ZNF438: variants seen among roughly 807,000 people sequenced by gnomAD.
ZNF438 encodes zinc finger protein 438.
In ZNF438, 25 loss-of-function variants were observed where a neutral mutation model predicts 38.0. The ratio of observed to expected loss-of-function variants is 0.66; its 90% CI spans 0.48 to 0.92. The LOEUF is 0.92. Ranked by LOEUF, ZNF438 falls within the 40% of genes least tolerant of loss-of-function variation. The pLI is 0.00. For synonymous variants in ZNF438, 372 were observed against 364.1 expected (o/e 1.02, Z -0.25); for missense variants, 1,007 against 999.6 (o/e 1.01, Z -0.10).
chr10:30,942,678 A>T (rs182017718), intron 1 of ZNF438, among the ~76,000 whole-genome samples: 115 of 152,342 alleles, frequency 7.5e-4, no homozygotes, highest in African/African-American at 2.7e-3. Context: ...CAATCCGATG[A>T]CTTGCGTCAT....
At chr10:30,854,809 A>G (rs73254337) in intron 4 of ZNF438, among the ~76,000 whole-genome samples, 8,278 of 152,208 alleles carry the variant, frequency 0.054, 716 homozygotes, top group African/African-American at 0.19. Flanking sequence ...GCGAAGACAG[A>G]GGAACAATAG....
intron 3 of ZNF438, among the ~76,000 whole-genome samples, chr10:30,901,568 A>C (rs2041986598): frequency 6.6e-6 from 1 of 152,154 alleles, no homozygotes; most frequent in South Asian, 2.1e-4. Context: ...AATTCTAAGG[A>C]AAAATAGGAC....
chr10:30,938,669 G>C (rs960506250), intron 2 of ZNF438, among the ~76,000 whole-genome samples: 1 of 152,038 alleles, frequency 6.6e-6, no homozygotes, highest in Non-Finnish European at 1.5e-5. Flanking sequence ...AATCCAAAAG[G>C]CATTTTTTAT....
intron 1 of ZNF438, among the ~76,000 whole-genome samples, chr10:30,964,199 G>A (rs1424712324): frequency 6.6e-6 from 1 of 152,218 alleles, no homozygotes; most frequent in East Asian, 1.9e-4. Context: ...CACAGGAAGT[G>A]TGATAACTGT....
rs535406049 is a variant in ZNF438, at chr10:31,031,737, G to A, written c.-192+96C>T. On this transcript the variant is annotated intron_variant, in intron 1 of 5. Transcript: ENST00000413025. ...TCGCCACAATCGGCGACTCCCCAAG[G>A]AACTGACGCCCCCAGAGCCACCACC... 6 of 154,000 alleles carry A rather than the reference G, an allele frequency of 3.9e-5. No homozygotes were observed. The East Asian group carries it at 9.6e-4, about 25-fold the overall frequency. 9.5% of individuals were successfully genotyped at this position (154,000 alleles called of 1,614,324 possible). A position where few individuals can be genotyped will look rare whatever the true frequency, so the allele number is the denominator to read the frequency against.
At chr10:31,005,151 T>G (rs2055002293) in intron 1 of ZNF438, among the ~76,000 whole-genome samples, 1 of 152,164 alleles carries the variant, frequency 6.6e-6, no homozygotes, top group South Asian at 2.1e-4. Flanking sequence ...ATAAAGATAC[T>G]TGCACTCCCA....
intron 2 of ZNF438, among the ~76,000 whole-genome samples, chr10:30,917,616 A>G (rs1267627641): frequency 6.6e-6 from 1 of 152,120 alleles, no homozygotes; most frequent in Non-Finnish European, 1.5e-5. Context: ...TCTGTGTTAC[A>G]AAGTGTCTTT....
intron 1 of ZNF438, among the ~76,000 whole-genome samples, chr10:30,979,812 T>C (rs947629504): frequency 1.2e-4 from 18 of 152,216 alleles, no homozygotes; most frequent in African/African-American, 4.3e-4. Flanking sequence ...TCTGTAACTT[T>C]TCCCCATTGA....
At position 30,877,574 on chromosome 10, in the gene ZNF438, A is replaced by T. The variant is rs147418647; in HGVS notation, c.-31-509T>A. ...CATGGATGAACATGCTAAATGATGG[A>T]CACCAGCATTACAAATACACAAAAA... On this transcript the variant is annotated intron_variant, in intron 3 of 5. Coordinates refer to ENST00000413025, the Ensembl canonical transcript of ZNF438. Among the ~76,000 whole-genome samples the T allele has an allele frequency of 2.1e-3, 321 of 152,320 alleles. 1 individual carries two copies. The highest frequency in any genetic ancestry group is 7.0e-3 in the African/African-American group (290 of 41,572).
intron 2 of ZNF438, among the ~76,000 whole-genome samples, chr10:30,918,414 T>C (rs1319325878): frequency 6.6e-6 from 1 of 152,206 alleles, no homozygotes; most frequent in Non-Finnish European, 1.5e-5. Context: ...TCTTCATTTA[T>C]TTCTATCTTT....
intron 1 of ZNF438, among the ~76,000 whole-genome samples, chr10:30,987,258 T>TGAAGTAA (rs1298675293): frequency 6.8e-6 from 1 of 148,104 alleles, no homozygotes; most frequent in African/African-American, 2.5e-5. Context: ...TGGTCAAGGC[T>TGAAGTAA]GAAGTAAGCT....
chr10:30,931,172 G>A lies in ZNF438; in HGVS notation c.-115+10403C>T, dbSNP rs549779965. On this transcript the variant is annotated intron_variant, in intron 2 of 5. Coordinates refer to ENST00000413025, the Ensembl canonical transcript of ZNF438. ...ATTTGGTGTGACAGGTTCTCTTTCT[G>A]TTGAGATTGCTAAATTGGATGGACA... Among the ~76,000 whole-genome samples the A allele has an allele frequency of 3.3e-5, 5 of 152,300 alleles. No homozygotes were observed. In the South Asian group the frequency reaches 1.0e-3, roughly 32 times the overall value.
At chr10:30,958,007 T>C (rs2049053642) in intron 1 of ZNF438, among the ~76,000 whole-genome samples, 1 of 146,986 alleles carries the variant, frequency 6.8e-6, no homozygotes, top group South Asian at 2.2e-4. Context: ...TGTAGTATAA[T>C]TTGAAGTCAG....
At chr10:30,954,944 G>C (rs772394270) in intron 1 of ZNF438, among the ~76,000 whole-genome samples, 1 of 152,132 alleles carries the variant, frequency 6.6e-6, no homozygotes, top group Non-Finnish European at 1.5e-5. Flanking sequence ...TCGAGCCAGG[G>C]AGAATCATTA....
intron 2 of ZNF438, among the ~76,000 whole-genome samples, chr10:30,927,214 G>C (rs1404880541): frequency 1.3e-5 from 2 of 152,220 alleles, no homozygotes; most frequent in Non-Finnish European, 2.9e-5. Flanking sequence ...AGCCATCTCA[G>C]TTTTGGAGGA....
chr10:30,907,410 T>G (rs552766589), intron 3 of ZNF438, among the ~76,000 whole-genome samples: 1 of 152,336 alleles, frequency 6.6e-6, no homozygotes, highest in South Asian at 2.1e-4. Flanking sequence ...TCCTCTTGTA[T>G]TTTTTGGAGA....
chr10:30,942,116 G>A (rs747856572), intron 1 of ZNF438, among the ~76,000 whole-genome samples: 20 of 152,180 alleles, frequency 1.3e-4, no homozygotes, highest in Admixed American at 2.0e-4. Context: ...AAGGCGCTAC[G>A]GGATTTTGGA....
chr10:30,938,630 A>C (rs1226854973), intron 2 of ZNF438, among the ~76,000 whole-genome samples: 1 of 152,168 alleles, frequency 6.6e-6, no homozygotes, highest in African/African-American at 2.4e-5. Context: ...TATCCTTACA[A>C]CCATGGGGAT....
chr10:31,021,475 A>G (rs138445726), intron 1 of ZNF438, among the ~76,000 whole-genome samples: 1,885 of 152,316 alleles, frequency 0.012, 45 homozygotes, highest in African/African-American at 0.044. Context: ...GCAAACGTTC[A>G]TTGCAGGTTT....
Sources: allele counts gnomAD v4.1 joint callset (sites outside exome capture counted in the v4.1 genomes callset), GRCh38; gene constraint gnomAD v4.1.1; transcripts MANE v1.5; gene names NCBI Gene and HGNC (gene_info 2026-07-23, HGNC 2026-07-21).